The following PPP1R1B variants were observed in gnomAD, a reference collection of about 807,000 sequenced individuals.
PPP1R1B encodes the protein protein phosphatase 1 regulatory inhibitor subunit 1B.
In PPP1R1B, 13 loss-of-function variants were observed where a neutral mutation model predicts 28.2. That is an observed-to-expected ratio of 0.46 (90% CI 0.30 to 0.73). The LOEUF is 0.73. Among genes scored for constraint, PPP1R1B ranks in the 30% least tolerant of loss-of-function variants. The probability of loss-of-function intolerance (pLI) is 0.07; values close to 1 mark genes in which losing one functional copy is unlikely to be tolerated. For synonymous variants in PPP1R1B, 102 were observed against 97.5 expected (o/e 1.05, Z -0.27); for missense variants, 236 against 256.7 (o/e 0.92, Z 0.55).
In PPP1R1B at chr17:39,627,319, C is replaced by T; in HGVS notation, c.-74C>T. 10 of 1,025,112 alleles carry T rather than the reference C, an allele frequency of 9.8e-6. No individual in the cohort carries two copies. In the South Asian group the frequency reaches 1.4e-4, roughly 14 times the overall value. The allele number at this position is 1,025,112 out of a possible 1,614,324, so 63.5% of individuals were successfully genotyped here. On this transcript the variant is annotated 5_prime_UTR_variant, in exon 1 of 7. Transcript: ENST00000254079. ...CTCGCCGCACAGCCCGCCGCCTGCGCGGGGGAGCCCAGCACAGACCGCCGC... is the reference window on the plus strand; with the variant it reads ...CTCGCCGCACAGCCCGCCGCCTGCGTGGGGGAGCCCAGCACAGACCGCCGC...
intron 2 of PPP1R1B, 67 bp from the exon 3 acceptor site, chr17:39,629,469 TTCTC>T (rs753082819): frequency 2.5e-6 from 4 of 1,586,554 alleles, no homozygotes; most frequent in Non-Finnish European, 2.6e-6. Context: ...CTCGGATTCT[TTCTC>T]TCTCTCCCTC....
chr17:39,627,754 C>T (rs2056848196), intron 1 of PPP1R1B, among the ~76,000 whole-genome samples: 1 of 151,424 alleles, frequency 6.6e-6, no homozygotes, highest in African/African-American at 2.4e-5. Context: ...CCAGACCGCC[C>T]AGGAGTGGGG....
At position 39,629,541 on chromosome 17, in the gene PPP1R1B, G is replaced by A. The variant is rs1175879021; in HGVS notation, c.144G>A (p.Glu48=). 1 of 1,613,740 alleles carries A rather than the reference G, an allele frequency of 6.2e-7. No homozygotes were observed. Among genetic ancestry groups the A allele is most frequent in the Admixed American group, 1.7e-5 (1 of 60,016 alleles). ...GTTGGCTTTGGTGGCCTTCCTCAGA[G>A]GAGGAAGCCTCCCCCCACCAGGTGA... ...LFRLSEHSSP[E]EEASPHQRAS... The change falls in exon 3 of 7, where the codon GAG becomes GAA. Residue 48 remains glutamate, a splice_region_variant and synonymous_variant. Transcript: ENST00000254079.
Position 39,635,919 on chromosome 17 carries a change from G to A in PPP1R1B, c.*54G>A. 1 of 1,588,016 alleles carries A rather than the reference G, an allele frequency of 6.3e-7. No individual in the cohort carries two copies. The highest frequency in any genetic ancestry group is 8.6e-7 in the Non-Finnish European group (1 of 1,163,146). ...GTGGAGGGGACATCGCTGTTCCCCA[G>A]AAACCCACTCTATCCTCACCCTGTT... On this transcript the variant is annotated 3_prime_UTR_variant, in exon 7 of 7. Coordinates refer to ENST00000254079, the MANE Select transcript of PPP1R1B (RefSeq NM_032192.4).
Position 39,629,155 on chromosome 17 carries a change from C to T in PPP1R1B, c.82-15C>T. On this transcript the variant is annotated splice_polypyrimidine_tract_variant and intron_variant, in intron 1 of 6. Coordinates refer to ENST00000254079, the MANE Select transcript of PPP1R1B (RefSeq NM_032192.4). ...GCAGGTGTCCATCCAGTCACCCCTC[C>T]CTCCATCTCCTTAGATCCGGCGCAG... 6.2e-7 allele frequency: 1 copy of T among 1,613,040 alleles called. No individual in the cohort carries two copies. Among genetic ancestry groups the T allele is most frequent in the Non-Finnish European group, 8.5e-7 (1 of 1,179,584 alleles).
rs1397746544 is a variant in PPP1R1B at position 39,635,914 on chromosome 17, C to G, written c.*49C>G. 1.3e-6 allele frequency: 2 copies of G among 1,592,778 alleles called. No homozygotes were observed. Among genetic ancestry groups the G allele is most frequent in the Admixed American group, 3.4e-5 (2 of 58,868 alleles). On this transcript the variant is annotated 3_prime_UTR_variant, in exon 7 of 7. Transcript: ENST00000254079. ...AGGAAGTGGAGGGGACATCGCTGTTCCCCAGAAACCCACTCTATCCTCACC... is the reference window on the plus strand; with the variant it reads ...AGGAAGTGGAGGGGACATCGCTGTTGCCCAGAAACCCACTCTATCCTCACC...
intron 4 of PPP1R1B, chr17:39,633,386 C>T (rs764126821): frequency 7.8e-5 from 14 of 178,882 alleles, no homozygotes; most frequent in African/African-American, 2.8e-4. Context: ...GACTATGCAT[C>T]GCATGGGAGG....
chr17:39,629,599 G>C, intron 3 of PPP1R1B, 37 bp downstream of exon 3: 1 of 1,611,388 alleles, frequency 6.2e-7, no homozygotes, highest in Non-Finnish European at 8.5e-7. Flanking sequence ...AGGGATGCCT[G>C]GGCCCCTTGG....
intron 1 of PPP1R1B, among the ~76,000 whole-genome samples, chr17:39,628,224 G>A (rs35591311): frequency 0.022 from 3,345 of 151,824 alleles, 56 homozygotes; most frequent in Non-Finnish European, 0.035. Flanking sequence ...GCTCCCCACT[G>A]AGCAGTGATG....
In PPP1R1B at chr17:39,627,471, A is replaced by C. The variant is rs1460757564; in HGVS notation, c.79A>C (p.Met27Leu). The change falls in exon 1 of 7, where the codon ATG becomes CTG. Residue 27 changes from methionine (M) to leucine (L), a missense_variant and splice_region_variant. Met to Leu is a conservative substitution (Grantham distance 15, BLOSUM62 2). Coordinates refer to ENST00000254079, the MANE Select transcript of PPP1R1B (RefSeq NM_032192.4). ...CCAGCTCGACCCCCGCCAGGTGGAG[A>C]TGGTAAGGGGCCCGTGCCCCACCCC... is the stretch of plus-strand genomic sequence containing the variant. Reference protein sequence around the residue: ...PSQLDPRQVEMIRRRRPTPAM... With the variant: ...PSQLDPRQVELIRRRRPTPAM... The C allele has an allele frequency of 6.4e-7, 1 of 1,566,574 alleles. No homozygotes were observed. The highest frequency in any genetic ancestry group is 2.3e-5 in the East Asian group (1 of 42,890).
intron 5 of PPP1R1B, 46 bp downstream of exon 5, chr17:39,634,132 T>C: frequency 2.5e-6 from 4 of 1,609,170 alleles, no homozygotes; most frequent in Admixed American, 3.3e-5. Context: ...TGGGTCCTCC[T>C]TGAGTATACG....
intron 2 of PPP1R1B, 112 bp from the exon 3 acceptor site, chr17:39,629,428 T>A (rs2056859604): frequency 1.4e-6 from 2 of 1,443,238 alleles, no homozygotes; most frequent in Non-Finnish European, 1.9e-6. Flanking sequence ...ACTTTCCCTG[T>A]CCCCAGAGAT....
chr17:39,635,699 G>T lies in PPP1R1B; in HGVS notation c.538G>T (p.Asp180Tyr). Residue 180 changes from aspartate (D) to tyrosine (Y), a missense_variant, in exon 6 of 7, where the codon GAC becomes TAC. Coordinates refer to ENST00000254079, the MANE Select transcript of PPP1R1B (RefSeq NM_032192.4). ...DESERDGGSE[D>Y]QVEDPALSEP... The stretch of plus-strand genomic sequence containing the variant: ...GTCCGAGAGAGATGGAGGCTCTGAG[G>T]ACCAAGTGGAAGACCCAGCACTAAG... 1 of 1,614,118 alleles carries T rather than the reference G, an allele frequency of 6.2e-7. No homozygotes were observed. Among genetic ancestry groups the T allele is most frequent in the Non-Finnish European group, 8.5e-7 (1 of 1,180,016 alleles).
intron 4 of PPP1R1B, among the ~76,000 whole-genome samples, chr17:39,630,826 T>G (rs2056871777): frequency 6.6e-6 from 1 of 152,164 alleles, no homozygotes; most frequent in African/African-American, 2.4e-5. Context: ...TCCCAGCACT[T>G]TGGGAGGCCG....
At chr17:39,635,549 AG>A (rs2056913141) in intron 5 of PPP1R1B, 57 bp from the exon 6 acceptor site, 1 of 1,582,480 alleles carries the variant, frequency 6.3e-7, no homozygotes, top group Admixed American at 1.7e-5. Flanking sequence ...CTCACACTCC[AG>A]GACAGCCGGA....
In PPP1R1B at chr17:39,629,987, G is replaced by A. The variant is rs774523933; in HGVS notation, c.181G>A (p.Gly61Arg). The A allele has an allele frequency of 6.2e-7, 1 of 1,614,132 alleles. No homozygotes were observed. Among genetic ancestry groups the A allele is most frequent in the South Asian group, 1.1e-5 (1 of 91,084 alleles). The change falls in exon 4 of 7, where the codon GGG becomes AGG. Residue 61 changes from glycine to arginine, a missense_variant. Transcript: ENST00000254079. ...ASPHQRASGE[G>R]HHLKSKRPNP... The stretch of plus-strand genomic sequence containing the variant: ...CCCCTGGCAGAGAGCCTCAGGAGAG[G>A]GGCACCATCTCAAGTCGAAGAGACC...
intron 5 of PPP1R1B, among the ~76,000 whole-genome samples, chr17:39,634,554 T>G (rs1316114375): frequency 6.6e-6 from 1 of 152,136 alleles, no homozygotes; most frequent in Non-Finnish European, 1.5e-5. Flanking sequence ...CTGTTTCTCC[T>G]CTTTTTCCTT....
At chr17:39,630,624 C>T (rs2056870273) in intron 4 of PPP1R1B, among the ~76,000 whole-genome samples, 1 of 152,242 alleles carries the variant, frequency 6.6e-6, no homozygotes, top group Non-Finnish European at 1.5e-5. Flanking sequence ...GGCTCTTTGC[C>T]TCAAAGGGTC....
chr17:39,629,880 C>A, intron 3 of PPP1R1B, 92 bp from the exon 4 acceptor site: 1 of 1,290,174 alleles, frequency 7.8e-7, no homozygotes. Flanking sequence ...CTAAATCAGT[C>A]TGCTTGGGTG....
Sources: allele counts gnomAD v4.1 joint callset (sites outside exome capture counted in the v4.1 genomes callset), GRCh38; gene constraint gnomAD v4.1.1; transcripts MANE v1.5; gene names NCBI Gene and HGNC (gene_info 2026-07-23, HGNC 2026-07-21).